The following TBL1Y variants were observed in gnomAD, a reference collection of about 807,000 sequenced individuals.
The protein encoded by TBL1Y is transducin beta like 1 Y-linked.
In TBL1Y, 15 loss-of-function variants were observed where a neutral mutation model predicts 12.0. That is an observed-to-expected ratio of 1.25 (90% CI 0.83 to 1.92). The LOEUF (loss-of-function observed/expected upper bound fraction) is 1.92, where lower values mean the gene tolerates loss of function less well. Ranked by LOEUF, TBL1Y falls within the 40% of genes most tolerant of loss-of-function variation. TBL1Y has a pLI of 0.00. For synonymous variants in TBL1Y, 53 were observed against 42.6 expected, an observed-to-expected ratio of 1.24 and a Z score of -0.95; for missense variants, 148 against 116.7, an observed-to-expected ratio of 1.27 and a Z score of -1.24.
At chrY:6,980,768 C>G (rs2124127914) in intron 3 of TBL1Y, among the ~76,000 whole-genome samples, 1 of 33,673 alleles carries the variant, frequency 3.0e-5, no homozygotes, top group South Asian at 6.6e-4. Flanking sequence ...TGGAATGTCA[C>G]CTGAGAGTTG....
chrY:7,039,431 T>A, intron 6 of TBL1Y, among the ~76,000 whole-genome samples: 1 of 33,088 alleles, frequency 3.0e-5, no homozygotes, highest in Non-Finnish European at 7.4e-5. Context: ...CTTCACATGG[T>A]GGAATGTGCA....
chrY:7,066,879 A>C, intron 8 of TBL1Y, among the ~76,000 whole-genome samples: 1 of 33,102 alleles, frequency 3.0e-5, no homozygotes, highest in African/African-American at 1.2e-4. Flanking sequence ...CTGAGTGGGG[A>C]GGATCACTTG....
At chrY:7,013,050 A>G (rs867568452) in intron 4 of TBL1Y, among the ~76,000 whole-genome samples, 38 of 34,515 alleles carry the variant, frequency 1.1e-3, no homozygotes, top group Middle Eastern at 0.014. Flanking sequence ...TGCAAAGGGC[A>G]AAGGTGGGAT....
chrY:7,079,244 C>T (rs772922211), intron 13 of TBL1Y, among the ~76,000 whole-genome samples: 1 of 33,949 alleles, frequency 2.9e-5, no homozygotes, highest in South Asian at 6.7e-4. Flanking sequence ...GCAACATCTG[C>T]GTCTGCAGCT....
chrY:6,984,217 C>T, intron 3 of TBL1Y, among the ~76,000 whole-genome samples: 3 of 32,722 alleles, frequency 9.2e-5, no homozygotes, highest in Admixed American at 5.6e-4. Context: ...GTGGAGCCAG[C>T]GTGCACTGCC....
At chrY:7,080,051 GTTTTTTTTTTTTTT>G (rs1466829965) in intron 13 of TBL1Y, among the ~76,000 whole-genome samples, 1 of 3,950 alleles carries the variant, frequency 2.5e-4, no homozygotes, top group Admixed American at 2.4e-3. Flanking sequence ...GGGACTGTTT[GTTTTTTTTTTTTTT>G]TTTTTTTTTT....
At chrY:6,933,762 G>C in intron 2 of TBL1Y, among the ~76,000 whole-genome samples, 1 of 33,590 alleles carries the variant, frequency 3.0e-5, no homozygotes, top group Admixed American at 2.7e-4. Context: ...TTCTTGGAAT[G>C]TAATGGGTAG....
chrY:6,931,304 C>T, intron 2 of TBL1Y, among the ~76,000 whole-genome samples: 2 of 33,501 alleles, frequency 6.0e-5, no homozygotes, highest in South Asian at 1.4e-3. Flanking sequence ...GAGGCTGAGG[C>T]AGGAGAATCA....
chrY:7,014,731 G>GT (rs2012539657), intron 4 of TBL1Y, among the ~76,000 whole-genome samples: 1 of 33,009 alleles, frequency 3.0e-5, no homozygotes, highest in South Asian at 7.0e-4. Context: ...AAGGGAAGGG[G>GT]TGGGTGACTC....
In TBL1Y at chrY:7,063,953, G is replaced by C. The variant is rs750701720; in HGVS notation, c.261G>C (p.Val87=). The change falls in exon 8 of 19, where the codon GTG becomes GTC. Residue 87 remains valine (V), a synonymous_variant. Coordinates refer to ENST00000383032, the MANE Select transcript of TBL1Y (RefSeq NM_033284.2). ...PIESLSLIVA[V]IPDVVQMRQQ... ...AGTCCCTGTCCCTGATAGTTGCTGT[G>C]ATTCCTGATGTGGTGCAGATGCGGC... 6 of 398,163 alleles carry C rather than the reference G, an allele frequency of 1.5e-5. No individual in the cohort carries two copies. Among genetic ancestry groups the C allele is most frequent in the Non-Finnish European group, 1.8e-5 (5 of 283,351 alleles).
intron 6 of TBL1Y, among the ~76,000 whole-genome samples, chrY:7,031,745 C>G: frequency 3.0e-5 from 1 of 33,530 alleles, no homozygotes. Context: ...CATGACTGAG[C>G]TTTGAAAAGG....
At chrY:6,985,895 T>A (rs886832767) in intron 3 of TBL1Y, among the ~76,000 whole-genome samples, 12 of 33,260 alleles carry the variant, frequency 3.6e-4, no homozygotes, top group African/African-American at 1.3e-3. Flanking sequence ...AAAGCTTCAC[T>A]GGGTTTTGTT....
chrY:7,033,638 C>G, intron 6 of TBL1Y, among the ~76,000 whole-genome samples: 1 of 33,399 alleles, frequency 3.0e-5, no homozygotes, highest in Non-Finnish European at 7.4e-5. Flanking sequence ...CCACCACGAT[C>G]AAGTTGGCTT....
intron 7 of TBL1Y, among the ~76,000 whole-genome samples, chrY:7,062,836 T>C (rs991142871): frequency 6.0e-5 from 2 of 33,482 alleles, no homozygotes; most frequent in Admixed American, 2.6e-4. Context: ...TCACCTCTTT[T>C]TAACCTCTAA....
chrY:6,946,761 A>G (rs752272005), intron 2 of TBL1Y, among the ~76,000 whole-genome samples: 1 of 33,895 alleles, frequency 3.0e-5, no homozygotes, highest in South Asian at 6.6e-4. Context: ...TCCTGGCCAC[A>G]GCTTGGTTTT....
intron 6 of TBL1Y, among the ~76,000 whole-genome samples, chrY:7,025,718 TTATAG>T (rs2012620420): frequency 3.0e-5 from 1 of 33,551 alleles, no homozygotes; most frequent in Admixed American, 2.7e-4. Flanking sequence ...CTGAATCCAG[TTATAG>T]TTACATTTGC....
rs961852635 is a variant in TBL1Y, at chrY:6,925,311, C to G, written c.-266+13139C>G. Among the ~76,000 whole-genome samples, 4 of 34,159 alleles carry G rather than the reference C, an allele frequency of 1.2e-4. No individual in the cohort carries two copies. The East Asian group carries it at 3.1e-3, about 26-fold the overall frequency. The allele number at this position is 34,159 out of a possible 37,273, so 91.6% of individuals were successfully genotyped here. A position where few individuals can be genotyped will look rare whatever the true frequency, so the allele number is the denominator to read the frequency against. On this transcript the variant is annotated intron_variant, in intron 2 of 18. Coordinates refer to ENST00000383032, the MANE Select transcript of TBL1Y (RefSeq NM_033284.2). Reference sequence around the variant, plus strand: ...TACATGTTGATACTGTGTCCCCATCCAAATCTCACCTTGAATTGTAATAAC... The same window carrying G: ...TACATGTTGATACTGTGTCCCCATCGAAATCTCACCTTGAATTGTAATAAC...
At chrY:7,085,774 T>C in intron 14 of TBL1Y, 124 bp from the exon 15 acceptor site, 1 of 190,974 alleles carries the variant, frequency 5.2e-6, no homozygotes, top group Non-Finnish European at 9.5e-6. Context: ...TGCTCTTTGA[T>C]GTCAGGCTGA....
At chrY:7,063,341 T>A (rs2012904244) in intron 7 of TBL1Y, among the ~76,000 whole-genome samples, 1 of 33,662 alleles carries the variant, frequency 3.0e-5, no homozygotes, top group Non-Finnish European at 7.4e-5. Flanking sequence ...AGGGGAAGGG[T>A]TCTTATCCCT....
Sources: allele counts gnomAD v4.1 joint callset (sites outside exome capture counted in the v4.1 genomes callset), GRCh38; gene constraint gnomAD v4.1.1; transcripts MANE v1.5; gene names NCBI Gene and HGNC (gene_info 2026-07-23, HGNC 2026-07-21).